ADGB: variants seen among roughly 807,000 people sequenced by gnomAD.
The protein encoded by ADGB is androglobin.
A neutral mutation model predicts 210.5 loss-of-function variants in ADGB; 172 were observed. That is an observed-to-expected ratio of 0.82 (90% CI 0.72 to 0.93). The LOEUF (loss-of-function observed/expected upper bound fraction) is 0.93, where lower values mean the gene tolerates loss of function less well. Among genes scored for constraint, ADGB ranks in the 40% least tolerant of loss-of-function variants. The pLI, the probability that ADGB is intolerant of heterozygous loss-of-function variation, is 0.00. For synonymous variants in ADGB, 658 were observed against 662.7 expected, an observed-to-expected ratio of 0.99 and a Z score of 0.11; for missense variants, 2,025 against 1,964.8, an observed-to-expected ratio of 1.03 and a Z score of -0.58.
intron 21 of ADGB, among the ~76,000 whole-genome samples, chr6:146,733,550 T>C (rs766531331): frequency 2.0e-5 from 3 of 152,178 alleles, no homozygotes; most frequent in Non-Finnish European, 4.4e-5. Flanking sequence ...TTTGAAGAAT[T>C]CTGGCAAGAT....
chr6:146,731,703 C>A (rs1434073431), intron 20 of ADGB, among the ~76,000 whole-genome samples: 1 of 152,166 alleles, frequency 6.6e-6, no homozygotes, highest in Non-Finnish European at 1.5e-5. Context: ...GTTATATTAA[C>A]TCCTTTTTTT....
chr6:146,813,239 C>A (rs1010417323), intron 35 of ADGB, among the ~76,000 whole-genome samples: 6 of 151,200 alleles, frequency 4.0e-5, no homozygotes, highest in Non-Finnish European at 8.8e-5. Flanking sequence ...TCTCCCCTTT[C>A]TCCAGCATTT....
At position 146,666,994 on chromosome 6, in the gene ADGB, A is replaced by G; in HGVS notation, c.839+92A>G. ...CCTAGCCTTTAAGAAAATTTCAAGA[A>G]AGGTCATGTTTTGCAAAATTTGGGG... On this transcript the variant is annotated intron_variant, in intron 7 of 35. Transcript: ENST00000397944. The G allele has an allele frequency of 2.7e-6, 3 of 1,120,488 alleles. No homozygotes were observed. The South Asian group carries it at 5.1e-5, about 19-fold the overall frequency. The allele number at this position is 1,120,488 out of a possible 1,614,324, so 69.4% of individuals were successfully genotyped here.
chr6:146,733,666 A>T (rs192695129), intron 21 of ADGB, among the ~76,000 whole-genome samples: 17 of 152,314 alleles, frequency 1.1e-4, no homozygotes, highest in Non-Finnish European at 2.1e-4. Flanking sequence ...ATATTCACAC[A>T]GGAATCAATA....
At chr6:146,804,053 A>AT in intron 35 of ADGB, among the ~76,000 whole-genome samples, 1 of 152,302 alleles carries the variant, frequency 6.6e-6, no homozygotes, top group East Asian at 1.9e-4. Context: ...AACTTTTTGC[A>AT]TCCAGATTAT....
In ADGB at chr6:146,664,598, A is replaced by T. The variant is rs1165447504; in HGVS notation, c.752+258A>T. On this transcript the variant is annotated intron_variant, in intron 6 of 35. Coordinates refer to ENST00000397944, the MANE Select transcript of ADGB (RefSeq NM_024694.4). ...TTCAGTGCTGTCTTACTATGAATGG[A>T]AATTTGATCATGGAAAATGATGTTT... Among the ~76,000 whole-genome samples the T allele has an allele frequency of 5.3e-5, 8 of 152,014 alleles. No individual in the cohort carries two copies. The East Asian group carries it at 1.5e-3, about 29-fold the overall frequency.
At chr6:146,657,150 T>C (rs370937740) in intron 5 of ADGB, among the ~76,000 whole-genome samples, 170 bp downstream of exon 5, 361 of 151,926 alleles carry the variant, frequency 2.4e-3, no homozygotes, top group Middle Eastern at 6.8e-3. Flanking sequence ...CATGGTGAAA[T>C]GCTGTTGCTA....
At chr6:146,640,419 C>G (rs9390405) in intron 2 of ADGB, among the ~76,000 whole-genome samples, 105,282 of 151,852 alleles carry the variant, frequency 0.69, 36,546 homozygotes, top group African/African-American at 0.72. Flanking sequence ...TATGAAGCCA[C>G]CAACATCTTG....
chr6:146,635,521 G>A lies in ADGB; in HGVS notation c.221G>A (p.Gly74Glu). The A allele has an allele frequency of 1.3e-6, 2 of 1,536,360 alleles. No homozygotes were observed. The highest frequency in any genetic ancestry group is 4.9e-5 in the East Asian group (2 of 40,472). The change falls in exon 2 of 36, where the codon GGA becomes GAA. Residue 74 changes from glycine (G) to glutamate (E), a missense_variant. By Grantham distance (98) the Gly-to-Glu change is moderately conservative. Coordinates refer to ENST00000397944, the MANE Select transcript of ADGB (RefSeq NM_024694.4). ...GGTGCAAAAGAAAAGGACAAAACAG[G>A]AAAAAGCCCTGTATTTGTAAGTAGA... is the stretch of plus-strand genomic sequence containing the variant. ...GKGAKEKDKTGKSPVFHFFED... is the reference protein window; with the variant it reads ...GKGAKEKDKTEKSPVFHFFED...
chr6:146,605,763 G>A (rs1780622374), intron 1 of ADGB, among the ~76,000 whole-genome samples: 1 of 152,152 alleles, frequency 6.6e-6, no homozygotes, highest in African/African-American at 2.4e-5. Context: ...AAAATTCCAT[G>A]TTTAATGAGG....
Position 146,717,035 on chromosome 6 carries a change from T to G in ADGB, c.1894T>G (p.Trp632Gly). The change falls in exon 15 of 36, where the codon TGG becomes GGG. Residue 632 changes from tryptophan to glycine, a missense_variant. Physicochemically the swap from Trp to Gly is radical, Grantham distance 184. Transcript: ENST00000397944. ...AAATAATAGTGTTTCTAAAGAAATA[T>G]GGTTAGATTTTGAAGATTTCTGTGT... The part of the protein sequence containing the change: ...TTNNSVSKEI[W>G]LDFEDFCVCF... The G allele has an allele frequency of 6.4e-7, 1 of 1,551,534 alleles. No homozygotes were observed. The highest frequency in any genetic ancestry group is 8.7e-7 in the Non-Finnish European group (1 of 1,146,884).
intron 9 of ADGB, among the ~76,000 whole-genome samples, chr6:146,677,407 CTTA>C (rs1479845731): frequency 2.6e-5 from 4 of 151,854 alleles, no homozygotes; most frequent in African/African-American, 7.2e-5. Context: ...TATCTTTTTT[CTTA>C]TTATGATGAT....
At chr6:146,782,668 G>T (rs956270617) in intron 30 of ADGB, among the ~76,000 whole-genome samples, 6 of 152,112 alleles carry the variant, frequency 3.9e-5, no homozygotes, top group African/African-American at 1.4e-4. Flanking sequence ...TATGAGAGAT[G>T]AGGCTGGAGG....
chr6:146,627,588 G>T (rs747974493), intron 1 of ADGB, among the ~76,000 whole-genome samples: 38 of 152,008 alleles, frequency 2.5e-4, no homozygotes, highest in Non-Finnish European at 4.9e-4. Flanking sequence ...CTATGGGGCT[G>T]GGCACAGTAA....
chr6:146,813,784 A>G (rs1778338914), intron 35 of ADGB, among the ~76,000 whole-genome samples: 1 of 152,232 alleles, frequency 6.6e-6, no homozygotes, highest in African/African-American at 2.4e-5. Flanking sequence ...GTAATAACCA[A>G]GTAAATGCAG....
intron 33 of ADGB, among the ~76,000 whole-genome samples, chr6:146,793,805 T>C (rs1658304033): frequency 6.6e-6 from 1 of 152,030 alleles, no homozygotes; most frequent in African/African-American, 2.4e-5. Context: ...CCCTGACTGG[T>C]TAGTGTAAAA....
rs756073019 is a variant in ADGB at position 146,599,080 on chromosome 6, A to G, written c.40A>G (p.Ile14Val). ...KQTKKKEVHR[I>V]NSAHGSDKSK... ...AACCAAAAAGAAAGAGGTGCATCGT[A>G]TCAACTCGGCGCACGGATCGGATAA... The change falls in exon 1 of 36, where the codon ATC becomes GTC. Residue 14 changes from isoleucine to valine, a missense_variant. Coordinates refer to ENST00000397944, the MANE Select transcript of ADGB (RefSeq NM_024694.4). 1.2e-5 allele frequency: 18 copies of G among 1,551,726 alleles called. 1 individual carries two copies. The South Asian group carries it at 1.9e-4, about 16-fold the overall frequency.
intron 7 of ADGB, among the ~76,000 whole-genome samples, chr6:146,668,846 A>C (rs562377089): frequency 9.6e-4 from 146 of 152,246 alleles, no homozygotes; most frequent in African/African-American, 3.3e-3. Flanking sequence ...AAGCAGAGTC[A>C]GTGACATGTC....
At position 146,701,210 on chromosome 6, in the gene ADGB, C is replaced by T. The variant is rs1583596467; in HGVS notation, c.1707+140C>T. 2.3e-5 allele frequency: 22 copies of T among 962,852 alleles called. No individual in the cohort carries two copies. The South Asian group carries it at 4.3e-4, about 19-fold the overall frequency. The allele number at this position is 962,852 out of a possible 1,614,324, so 59.6% of individuals were successfully genotyped here. A position where few individuals can be genotyped will look rare whatever the true frequency, so the allele number is the denominator to read the frequency against. ...TAAAGAATAGTGTTAAAATAAATCT[C>T]TTATGTATCTATCACCTAGGTTAGA... On this transcript the variant is annotated intron_variant, in intron 13 of 35. Coordinates refer to ENST00000397944, the MANE Select transcript of ADGB (RefSeq NM_024694.4).
Sources: gnomAD v4.1 joint callset for allele counts (sites outside exome capture counted in the v4.1 genomes callset) on GRCh38, gnomAD v4.1.1 for gene constraint, MANE v1.5 for transcripts, NCBI Gene and HGNC (gene_info 2026-07-23, HGNC 2026-07-21) for gene names.